GNG2: variants seen among roughly 807,000 people sequenced by gnomAD.
GNG2 encodes guanine nucleotide-binding protein G(I)/G(S)/G(O) subunit gamma-2.
A neutral mutation model predicts 5.5 loss-of-function variants in GNG2; 5 were observed. The observed-to-expected ratio is 0.91, with a 90% CI of 0.48 to 1.92. The LOEUF is 1.92. GNG2 is among the 30% of genes most tolerant of loss of function. The probability of loss-of-function intolerance (pLI) is 0.01; values close to 1 mark genes in which losing one functional copy is unlikely to be tolerated. For missense variants in GNG2, 55 were observed against 88.4 expected, an observed-to-expected ratio of 0.62 and a Z score of 1.52; for synonymous variants, 28 against 32.0, an observed-to-expected ratio of 0.88 and a Z score of 0.42.
intron 2 of GNG2, among the ~76,000 whole-genome samples, chr14:51,907,064 T>A (rs964932816): frequency 1.3e-5 from 2 of 152,118 alleles, no homozygotes; most frequent in African/African-American, 4.8e-5. Flanking sequence ...CGCTGGAGAA[T>A]CTTTTACAGG....
intron 2 of GNG2, among the ~76,000 whole-genome samples, chr14:51,906,365 G>A (rs1044018915): frequency 2.6e-5 from 4 of 152,046 alleles, no homozygotes; most frequent in African/African-American, 9.7e-5. Context: ...TTTAAAATTA[G>A]TATTCTGTAA....
At chr14:51,864,394 C>G (rs1425051700) in intron 1 of GNG2, among the ~76,000 whole-genome samples, 1 of 152,120 alleles carries the variant, frequency 6.6e-6, no homozygotes, top group Non-Finnish European at 1.5e-5. Flanking sequence ...AATTTTTAAT[C>G]AAATTTTTGA....
At chr14:51,908,083 C>T (rs970548203) in intron 2 of GNG2, among the ~76,000 whole-genome samples, 1 of 152,186 alleles carries the variant, frequency 6.6e-6, no homozygotes, top group African/African-American at 2.4e-5. Context: ...CAGGCGCCCT[C>T]ACAAAGATGC....
intron 2 of GNG2, among the ~76,000 whole-genome samples, chr14:51,832,749 T>C (rs1881232132): frequency 6.6e-6 from 1 of 152,218 alleles, no homozygotes. Flanking sequence ...AATTCCATTA[T>C]AAGGGCCTCA....
At chr14:51,847,983 A>G (rs2748140) in intron 2 of GNG2, among the ~76,000 whole-genome samples, 106,025 of 147,930 alleles carry the variant, frequency 0.72, 39,988 homozygotes, top group East Asian at 0.97. Flanking sequence ...CTCTTTGGAA[A>G]TTGAGATGAA....
intron 2 of GNG2, among the ~76,000 whole-genome samples, chr14:51,840,330 C>T (rs145075129): frequency 4.3e-4 from 65 of 152,282 alleles, no homozygotes; most frequent in African/African-American, 1.5e-3. Flanking sequence ...TCAATCATGT[C>T]CCCTGTGACA....
chr14:51,830,223 A>T (rs1011237839), intron 2 of GNG2, among the ~76,000 whole-genome samples: 13 of 152,108 alleles, frequency 8.5e-5, no homozygotes, highest in Admixed American at 2.0e-4. Context: ...ACGATTAGCC[A>T]TTCCTTTGTA....
chr14:51,933,123 C>T (rs1887760806), intron 2 of GNG2, among the ~76,000 whole-genome samples: 1 of 152,202 alleles, frequency 6.6e-6, no homozygotes, highest in African/African-American at 2.4e-5. Flanking sequence ...TTGATTTTGG[C>T]TCAGTGAAGC....
At chr14:51,942,589 C>CTTTCTTTCTTTCTTTCTTTCTTTTTTTTT (rs761049973) in intron 2 of GNG2, among the ~76,000 whole-genome samples, 12 of 81,124 alleles carry the variant, frequency 1.5e-4, no homozygotes, top group African/African-American at 7.1e-4. Context: ...TTCTTTCTTT[C>CTTTCTTTCTTTCTTTCTTTCTTTTTTTTT]TTTTTTTTTT....
intron 3 of GNG2, among the ~76,000 whole-genome samples, chr14:51,961,413 G>T (rs1253648): frequency 0.93 from 140,871 of 152,234 alleles, 65,678 homozygotes; most frequent in Non-Finnish European, 0.98. Flanking sequence ...AACTCCTTCA[G>T]CAATTACTAT....
chr14:51,889,109 C>CCTTTTTTT lies in GNG2; in HGVS notation c.-30+11452_-30+11453insCTTTTTTT, dbSNP rs1445313036. On this transcript the variant is annotated intron_variant, in intron 2 of 3. Transcript: ENST00000556766. ...GACTGCTAATGGGTATGGGTTTGCG[C>CCTTTTTTT]TTTTTTTTTTTTTTTTTTTTTGAGA... Among the ~76,000 whole-genome samples, 2 of 118,938 alleles carry CCTTTTTTT rather than the reference C, an allele frequency of 1.7e-5. 1 individual carries two copies. 78.0% of individuals were successfully genotyped at this position (118,938 alleles called of 152,430 possible).
intron 2 of GNG2, among the ~76,000 whole-genome samples, chr14:51,886,841 G>A (rs1884491365): frequency 6.6e-6 from 1 of 152,180 alleles, no homozygotes; most frequent in Admixed American, 6.5e-5. Context: ...GTCTGCCACT[G>A]AGTTCATGCG....
At chr14:51,865,846 T>C (rs1457957941) in intron 1 of GNG2, among the ~76,000 whole-genome samples, 2 of 152,072 alleles carry the variant, frequency 1.3e-5, no homozygotes, top group African/African-American at 2.4e-5. Context: ...ATTAGAGATA[T>C]CTGTAAATAT....
chr14:51,842,483 G>A (rs919518895), intron 2 of GNG2, among the ~76,000 whole-genome samples: 3 of 152,042 alleles, frequency 2.0e-5, no homozygotes, highest in African/African-American at 4.8e-5. Flanking sequence ...ACACGCAAAC[G>A]GAAGTGCTCA....
At chr14:51,922,098 T>C (rs1887047432) in intron 2 of GNG2, among the ~76,000 whole-genome samples, 1 of 152,238 alleles carries the variant, frequency 6.6e-6, no homozygotes. Flanking sequence ...TTCTTCCACT[T>C]TCTGTGTGTA....
chr14:51,894,863 C>G (rs552885752), intron 2 of GNG2, among the ~76,000 whole-genome samples: 3 of 151,870 alleles, frequency 2.0e-5, no homozygotes, highest in Non-Finnish European at 2.9e-5. Flanking sequence ...AATTAATGGC[C>G]TAAGTAGCAG....
intron 2 of GNG2, among the ~76,000 whole-genome samples, chr14:51,948,094 C>A (rs1408962000): frequency 6.6e-6 from 1 of 152,198 alleles, no homozygotes; most frequent in Non-Finnish European, 1.5e-5. Context: ...GAAGGAGAGA[C>A]AAGGCGTATA....
At chr14:51,841,594 C>T (rs1031529801) in intron 2 of GNG2, 12 of 698,156 alleles carry the variant, frequency 1.7e-5, no homozygotes, top group Middle Eastern at 2.3e-4. Context: ...TTGAAGTCCA[C>T]AGTAATATTT....
intron 2 of GNG2, among the ~76,000 whole-genome samples, chr14:51,900,382 C>A (rs941581584): frequency 6.6e-6 from 1 of 151,840 alleles, no homozygotes; most frequent in Non-Finnish European, 1.5e-5. Flanking sequence ...AGTGAAAAAA[C>A]CTGGTTTCAG....
Sources: allele counts gnomAD v4.1 joint callset (sites outside exome capture counted in the v4.1 genomes callset), GRCh38; gene constraint gnomAD v4.1.1; transcripts MANE v1.5; gene names NCBI Gene and HGNC (gene_info 2026-07-23, HGNC 2026-07-21).